The following FARP2 variants were observed in gnomAD, a reference collection of about 807,000 sequenced individuals.
The protein encoded by FARP2 is FERM, ARH/RhoGEF and pleckstrin domain protein 2.
A neutral mutation model predicts 130.5 loss-of-function variants in FARP2; 111 were observed. The observed-to-expected ratio is 0.85, with a 90% CI of 0.73 to 1.00. FARP2 has a LOEUF of 1.00. Among genes scored for constraint, FARP2 ranks in the 50% least tolerant of loss-of-function variants. The probability of loss-of-function intolerance (pLI) is 0.00; values close to 1 mark genes in which losing one functional copy is unlikely to be tolerated. For missense variants in FARP2, 1,385 were observed against 1,346.3 expected (o/e 1.03, Z -0.45); for synonymous variants, 504 against 516.9 (o/e 0.98, Z 0.34).
intron 2 of FARP2, among the ~76,000 whole-genome samples, chr2:241,376,772 C>T (rs968986982): frequency 4.6e-5 from 7 of 152,202 alleles, no homozygotes; most frequent in Admixed American, 1.3e-4. Context: ...GGCAGACATT[C>T]GGCTACAGGG....
Position 241,456,871 on chromosome 2 carries a change from C to T in FARP2, c.1536C>T (p.Val512=). 6.2e-7 allele frequency: 1 copy of T among 1,611,124 alleles called. No homozygotes were observed. The highest frequency in any genetic ancestry group is 8.5e-7 in the Non-Finnish European group (1 of 1,178,396). ...EQGSSPLLSP[V]LSDAGGAGMD... is the part of the protein sequence containing the mutation. ...GCTCATCCCCACTCCTGAGCCCTGT[C>T]CTCAGTGATGCTGGCGGAGCCGGGA... The change falls in exon 14 of 27, where the codon GTC becomes GTT. Residue 512 remains valine, a synonymous_variant. Transcript: ENST00000264042.
intron 13 of FARP2, 186 bp downstream of exon 13, chr2:241,441,742 C>A: frequency 1.1e-6 from 1 of 885,902 alleles, no homozygotes; most frequent in East Asian, 2.7e-5. Context: ...CCGGTGTGAC[C>A]GGCAGTGTCG....
At chr2:241,396,897 C>T (rs1389408256) in intron 2 of FARP2, among the ~76,000 whole-genome samples, 6 of 152,230 alleles carry the variant, frequency 3.9e-5, no homozygotes, top group African/African-American at 4.8e-5. Context: ...GTGTTTCTTG[C>T]GGCACTATTC....
At chr2:241,493,248 T>G (rs1574924679) in intron 25 of FARP2, 45 bp from the exon 26 acceptor site, 1 of 1,600,960 alleles carries the variant, frequency 6.2e-7, no homozygotes, top group Non-Finnish European at 8.5e-7. Context: ...GCATTCCCTG[T>G]GGCAACCCAG....
chr2:241,383,520 G>A (rs6736697), intron 2 of FARP2, among the ~76,000 whole-genome samples: 5,193 of 152,270 alleles, frequency 0.034, 288 homozygotes, highest in African/African-American at 0.12. Context: ...GGAGCAGAGA[G>A]GCATCTAGGA....
At chr2:241,445,813 C>T (rs1471557525) in intron 13 of FARP2, 1 of 152,270 alleles carries the variant, frequency 6.6e-6, no homozygotes, top group Non-Finnish European at 1.5e-5. Context: ...TAAAGCCGCA[C>T]AGTTGTCATC....
intron 4 of FARP2, 151 bp from the exon 5 acceptor site, chr2:241,407,386 C>T (rs1358041933): frequency 3.4e-5 from 21 of 620,734 alleles, no homozygotes. Flanking sequence ...ACCACCACAC[C>T]TGGGCAGAAA....
At chr2:241,491,436 G>C (rs1385056184) in intron 23 of FARP2, 80 bp from the exon 24 acceptor site, 31 of 1,512,402 alleles carry the variant, frequency 2.0e-5, no homozygotes, top group Non-Finnish European at 2.8e-5. Context: ...GGACCCCCGA[G>C]AGGAACCCAA....
chr2:241,464,738 G>A (rs149621148), intron 17 of FARP2, among the ~76,000 whole-genome samples: 224 of 151,816 alleles, frequency 1.5e-3, no homozygotes, highest in Admixed American at 4.2e-3. Context: ...ATTCCCATTA[G>A]AACAAGGTTC....
At chr2:241,365,942 G>T (rs540733820) in intron 1 of FARP2, among the ~76,000 whole-genome samples, 1 of 146,782 alleles carries the variant, frequency 6.8e-6, no homozygotes, top group African/African-American at 2.5e-5. Flanking sequence ...TCCCTCATAG[G>T]TAACCATTTT....
intron 2 of FARP2, among the ~76,000 whole-genome samples, chr2:241,402,852 A>G (rs868694578): frequency 5.4e-4 from 3 of 5,570 alleles, no homozygotes; most frequent in African/African-American, 2.0e-3. Flanking sequence ...ATATATATAT[A>G]TATATATATA....
At chr2:241,365,899 C>T (rs1248743963) in intron 1 of FARP2, among the ~76,000 whole-genome samples, 2 of 150,718 alleles carry the variant, frequency 1.3e-5, no homozygotes, top group Non-Finnish European at 3.0e-5. Context: ...ACACCGTGTA[C>T]AGTTTCCAAC....
intron 7 of FARP2, among the ~76,000 whole-genome samples, chr2:241,416,258 A>G (rs1461635042): frequency 6.6e-6 from 1 of 152,000 alleles, no homozygotes; most frequent in Non-Finnish European, 1.5e-5. Flanking sequence ...GTATCCGCTA[A>G]AAACCCTAGA....
chr2:241,453,058 G>A (rs564895060), intron 13 of FARP2, among the ~76,000 whole-genome samples: 90 of 149,900 alleles, frequency 6.0e-4, no homozygotes, highest in African/African-American at 2.1e-3. Context: ...GGGCCGGAGC[G>A]GTGGCTCACA....
intron 8 of FARP2, among the ~76,000 whole-genome samples, chr2:241,431,163 A>G (rs2063081049): frequency 6.6e-6 from 1 of 152,184 alleles, no homozygotes; most frequent in Non-Finnish European, 1.5e-5. Context: ...GTCTGATGAT[A>G]ATATTGCTCC....
Position 241,475,116 on chromosome 2 carries a change from A to C in FARP2, c.2132-741A>C, listed in dbSNP as rs78318556. 0.017 allele frequency among the ~76,000 whole-genome samples: 2,597 copies of C among 152,376 alleles called. 39 individuals carry two copies. Among genetic ancestry groups the C allele is most frequent in the Non-Finnish European group, 0.029 (1,939 of 68,034 alleles). On this transcript the variant is annotated intron_variant, in intron 18 of 26. Coordinates refer to ENST00000264042, the MANE Select transcript of FARP2 (RefSeq NM_014808.4). The surrounding 1 kb of genome is among the most constrained non-coding windows in gnomAD (Gnocchi z 4.4). ...TACAATTGCTTTGAAGGTGCAAATC[A>C]TTTAGCCTTTAAAGTACAATAAATC...
chr2:241,375,238 A>G (rs930828752), intron 2 of FARP2, among the ~76,000 whole-genome samples: 1 of 152,132 alleles, frequency 6.6e-6, no homozygotes, highest in African/African-American at 2.4e-5. Context: ...GGTGTGAGCC[A>G]CCGCGCCCAG....
In FARP2 at chr2:241,407,607, A is replaced by G. The variant is rs767465727; in HGVS notation, c.402A>G (p.Glu134=). ...FPPDPGQLQE[E]YTRYLFALQL... ...CTGATCCTGGTCAGCTACAAGAAGAATATACAAGGTAAAGAGCTCACAGAG... is the reference window on the plus strand; with the variant it reads ...CTGATCCTGGTCAGCTACAAGAAGAGTATACAAGGTAAAGAGCTCACAGAG... Residue 134 remains glutamate (E), a synonymous_variant, in exon 5 of 27, where the codon GAA becomes GAG. Transcript: ENST00000264042. The G allele has an allele frequency of 1.9e-6, 3 of 1,613,224 alleles. No homozygotes were observed. The highest frequency in any genetic ancestry group is 2.5e-6 in the Non-Finnish European group (3 of 1,179,146).
intron 14 of FARP2, among the ~76,000 whole-genome samples, chr2:241,461,256 C>T (rs2064008844): frequency 1.3e-5 from 2 of 152,122 alleles, no homozygotes; most frequent in African/African-American, 4.8e-5. Flanking sequence ...AGAATGTGTC[C>T]AGGATCTCAC....
Sources: gnomAD v4.1 joint callset for allele counts (sites outside exome capture counted in the v4.1 genomes callset) on GRCh38, gnomAD v4.1.1 for gene constraint, Gnocchi (gnomAD v3.1) non-coding constraint, MANE v1.5 for transcripts, NCBI Gene and HGNC (gene_info 2026-07-23, HGNC 2026-07-21) for gene names.